Variants in PRELID2 observed in about 807,000 individuals in gnomAD.
PRELID2 encodes the protein PRELI domain-containing protein 2.
Under a neutral mutation model 28.4 loss-of-function variants are expected in PRELID2, and 25 were observed. That is an observed-to-expected ratio of 0.88 (90% CI 0.64 to 1.23). The LOEUF is 1.23. Ranked by LOEUF, PRELID2 falls within the 50% of genes most tolerant of loss-of-function variation. PRELID2 has a pLI of 0.00. For synonymous variants in PRELID2, 76 were observed against 71.6 expected (o/e 1.06, Z -0.31); for missense variants, 201 against 214.4 (o/e 0.94, Z 0.39).
chr5:145,421,352 C>G, the PRELID2 span, among the ~76,000 whole-genome samples: 1 of 150,604 alleles, frequency 6.6e-6, no homozygotes, highest in Non-Finnish European at 1.5e-5. Flanking sequence ...GGCTGTGAAT[C>G]CATCTGGTCC....
chr5:145,742,085 T>C (rs1756822266), intron 1 of PRELID2, among the ~76,000 whole-genome samples: 1 of 37,114 alleles, frequency 2.7e-5, no homozygotes, highest in Admixed American at 3.7e-4. Flanking sequence ...CGTAATTATA[T>C]ATTTATAATT....
At chr5:145,315,366 C>T in the PRELID2 span, among the ~76,000 whole-genome samples, 1 of 152,246 alleles carries the variant, frequency 6.6e-6, no homozygotes, top group African/African-American at 2.4e-5. Flanking sequence ...CCACGCCTGG[C>T]CTCTACAATA....
At chr5:145,413,611 TAC>T in the PRELID2 span, among the ~76,000 whole-genome samples, 7,778 of 140,024 alleles carry the variant, frequency 0.056, 315 homozygotes, top group African/African-American at 0.12. Context: ...ATGAAGAAAA[TAC>T]ACACACACAC....
At chr5:145,729,163 C>A in intron 1 of PRELID2, 1 of 643,842 alleles carries the variant, frequency 1.6e-6, no homozygotes, top group Non-Finnish European at 2.8e-6. Flanking sequence ...TTTGTCAAGT[C>A]CTTCAAAGTA....
intron 1 of PRELID2, among the ~76,000 whole-genome samples, chr5:145,584,998 C>T (rs527887862): frequency 2.6e-5 from 4 of 152,190 alleles, no homozygotes; most frequent in Admixed American, 2.6e-4. Flanking sequence ...ATGTTCACTG[C>T]AGCACTATTC....
At chr5:145,368,454 T>A in the PRELID2 span, among the ~76,000 whole-genome samples, 1 of 151,892 alleles carries the variant, frequency 6.6e-6, no homozygotes, top group Non-Finnish European at 1.5e-5. Flanking sequence ...TTTAAGCCCA[T>A]ACCCCACGTC....
intron 1 of PRELID2, among the ~76,000 whole-genome samples, chr5:145,622,976 T>C (rs541911395): frequency 2.0e-5 from 3 of 152,094 alleles, no homozygotes; most frequent in Admixed American, 1.3e-4. Flanking sequence ...CACAATTTTT[T>C]AAAAAATTAT....
chr5:145,808,858 T>C (rs543025338), intron 4 of PRELID2, among the ~76,000 whole-genome samples: 2 of 151,484 alleles, frequency 1.3e-5, no homozygotes, highest in East Asian at 3.9e-4. Context: ...CACTCCAGCC[T>C]GGGCAACAGA....
At chr5:145,602,967 G>T (rs1314758203) in intron 1 of PRELID2, among the ~76,000 whole-genome samples, 1 of 152,092 alleles carries the variant, frequency 6.6e-6, no homozygotes, top group South Asian at 2.1e-4. Flanking sequence ...CATGAGAATT[G>T]CTTGAACCCA....
At chr5:145,733,416 T>C (rs2149728577) in intron 1 of PRELID2, among the ~76,000 whole-genome samples, 1 of 152,328 alleles carries the variant, frequency 6.6e-6, no homozygotes, top group South Asian at 2.1e-4. Context: ...AGATTGGCAG[T>C]TGGCTGGTTA....
the PRELID2 span, among the ~76,000 whole-genome samples, chr5:145,383,936 A>G: frequency 6.6e-6 from 1 of 152,112 alleles, no homozygotes; most frequent in East Asian, 1.9e-4. Flanking sequence ...GTGTATATAT[A>G]TGAGTATAGG....
chr5:145,463,856 C>T, the PRELID2 span, among the ~76,000 whole-genome samples: 76 of 152,234 alleles, frequency 5.0e-4, no homozygotes, highest in African/African-American at 1.5e-3. Flanking sequence ...CCAGTGATGA[C>T]GTAATACTCT....
At chr5:145,668,817 C>G (rs1253607168) in intron 1 of PRELID2, among the ~76,000 whole-genome samples, 1 of 152,050 alleles carries the variant, frequency 6.6e-6, no homozygotes, top group Non-Finnish European at 1.5e-5. Flanking sequence ...AAACTAAAGA[C>G]TTTATTATCC....
intron 4 of PRELID2, among the ~76,000 whole-genome samples, chr5:145,816,548 G>T (rs1212374883): frequency 6.6e-6 from 1 of 152,062 alleles, no homozygotes; most frequent in African/African-American, 2.4e-5. Flanking sequence ...ATTTCTAAGT[G>T]TCTTATAGTT....
intron 1 of PRELID2, among the ~76,000 whole-genome samples, chr5:145,528,745 A>T (rs1752631251): frequency 6.6e-6 from 1 of 151,590 alleles, no homozygotes; most frequent in South Asian, 2.1e-4. Context: ...AGAGAGAGAG[A>T]GAGAGAGTAA....
chr5:145,303,877 T>A, the PRELID2 span, among the ~76,000 whole-genome samples: 1 of 152,194 alleles, frequency 6.6e-6, no homozygotes, highest in Admixed American at 6.5e-5. Flanking sequence ...TTGTTGCATG[T>A]CCTTTTATTC....
At chr5:145,447,050 A>AAAATAAAT in the PRELID2 span, among the ~76,000 whole-genome samples, 29,060 of 140,072 alleles carry the variant, frequency 0.21, 3,338 homozygotes, top group South Asian at 0.3. Context: ...ACTCCATCTC[A>AAAATAAAT]AAATAAATAA....
the PRELID2 span, among the ~76,000 whole-genome samples, chr5:145,250,328 A>T: frequency 1.3e-5 from 2 of 152,148 alleles, no homozygotes; most frequent in Admixed American, 1.3e-4. Context: ...TCAGCAATAC[A>T]TTAAACATAT....
chr5:145,569,372 T>C (rs1428146258), intron 1 of PRELID2, among the ~76,000 whole-genome samples: 6 of 152,212 alleles, frequency 3.9e-5, no homozygotes, highest in Non-Finnish European at 7.3e-5. Flanking sequence ...AGCCCTTAAT[T>C]GTAATTTTTA....
Sources: allele counts gnomAD v4.1 joint callset (sites outside exome capture counted in the v4.1 genomes callset), GRCh38; gene constraint gnomAD v4.1.1; transcripts MANE v1.5; gene names NCBI Gene and HGNC (gene_info 2026-07-23, HGNC 2026-07-21).